Variants in KAT6B observed in about 807,000 individuals in gnomAD.
KAT6B encodes histone acetyltransferase KAT6B.
A neutral mutation model predicts 187.5 loss-of-function variants in KAT6B; 10 were observed. That is an observed-to-expected ratio of 0.05 (90% confidence interval 0.03 to 0.09). The LOEUF is 0.09. Among genes scored for constraint, KAT6B ranks in the 10% least tolerant of loss-of-function variants. The pLI is 1.00. For synonymous variants in KAT6B, 861 were observed against 926.8 expected (o/e 0.93, Z 1.29); for missense variants, 1,952 against 2,558.9 (o/e 0.76, Z 5.12).
chr10:74,952,121 G>A (rs756603617), intron 3 of KAT6B, among the ~76,000 whole-genome samples: 7 of 152,276 alleles, frequency 4.6e-5, no homozygotes, highest in Middle Eastern at 6.8e-3. Flanking sequence ...TTGGGAGGCC[G>A]AGGTGGGTGG....
At chr10:74,998,191 C>T (rs1843575939) in intron 13 of KAT6B, among the ~76,000 whole-genome samples, 1 of 97,650 alleles carries the variant, frequency 1.0e-5, no homozygotes, top group Non-Finnish European at 2.0e-5. Context: ...GGAGCTCAAG[C>T]ATTTCTCCTG....
At chr10:74,990,952 C>G (rs1843094897) in intron 13 of KAT6B, among the ~76,000 whole-genome samples, 2 of 152,130 alleles carry the variant, frequency 1.3e-5, no homozygotes, top group Admixed American at 1.3e-4. Context: ...TGGTCCTATA[C>G]CTCTATTTTT....
intron 3 of KAT6B, among the ~76,000 whole-genome samples, chr10:74,914,355 C>A (rs1322531545): frequency 2.0e-5 from 3 of 152,064 alleles, no homozygotes; most frequent in Non-Finnish European, 4.4e-5. Context: ...TATGAGAAAT[C>A]AAATTCCATC....
intron 3 of KAT6B, among the ~76,000 whole-genome samples, chr10:74,874,781 A>G (rs956428378): frequency 6.6e-6 from 1 of 151,772 alleles, no homozygotes; most frequent in Non-Finnish European, 1.5e-5. Context: ...TCTTTGTGTG[A>G]GATCTATGTT....
chr10:74,890,352 C>T lies in KAT6B; in HGVS notation c.621+46874C>T, dbSNP rs916200658. On this transcript the variant is annotated intron_variant, in intron 3 of 17. Transcript: ENST00000287239. Reference sequence around the variant, plus strand: ...TGAGCCCACCATTTACAAATGCACACAGGAGGCCGGGTGTGGTGGCTCACA... The same window carrying T: ...TGAGCCCACCATTTACAAATGCACATAGGAGGCCGGGTGTGGTGGCTCACA... Among the ~76,000 whole-genome samples the T allele has an allele frequency of 2.6e-5, 4 of 152,104 alleles. No individual in the cohort carries two copies. The East Asian group carries it at 5.8e-4, about 22-fold the overall frequency.
intron 3 of KAT6B, among the ~76,000 whole-genome samples, chr10:74,857,601 G>A (rs970670523): frequency 6.6e-6 from 1 of 152,296 alleles, no homozygotes; most frequent in Non-Finnish European, 1.5e-5. Context: ...AGACATTTTT[G>A]GGGGAGCCCA....
chr10:74,942,625 C>T (rs1849755224), intron 3 of KAT6B, among the ~76,000 whole-genome samples: 2 of 151,924 alleles, frequency 1.3e-5, no homozygotes, highest in South Asian at 4.2e-4. Context: ...ATTAGCTGGG[C>T]ATGGTGGCAC....
At chr10:74,907,766 G>T (rs1564555912) in intron 3 of KAT6B, among the ~76,000 whole-genome samples, 1 of 152,162 alleles carries the variant, frequency 6.6e-6, no homozygotes, top group Non-Finnish European at 1.5e-5. Flanking sequence ...TTGACCTCAG[G>T]TGATGCATCT....
chr10:74,828,573 T>TTC (rs1840462465), intron 1 of KAT6B, among the ~76,000 whole-genome samples: 1 of 142,860 alleles, frequency 7.0e-6, no homozygotes, highest in East Asian at 2.0e-4. Context: ...TTTTTTTTTT[T>TTC]TTTTTTTTTT....
At chr10:74,912,917 A>C (rs1847350522) in intron 3 of KAT6B, among the ~76,000 whole-genome samples, 2 of 152,204 alleles carry the variant, frequency 1.3e-5, no homozygotes, top group Admixed American at 1.3e-4. Context: ...AGCAGCTGTC[A>C]TCTTGTGAAA....
chr10:75,020,534 T>G (rs1845321223), intron 13 of KAT6B, 48 bp from the exon 14 acceptor site: 2 of 1,316,016 alleles, frequency 1.5e-6, no homozygotes, highest in Non-Finnish European at 2.2e-6. Context: ...TGTTCTAAGC[T>G]CTGGGAATGC....
At chr10:74,888,805 T>G (rs1224661357) in intron 3 of KAT6B, among the ~76,000 whole-genome samples, 2 of 152,180 alleles carry the variant, frequency 1.3e-5, no homozygotes, top group Non-Finnish European at 2.9e-5. Context: ...AGCCAGCATA[T>G]AGAATGCGAT....
chr10:74,925,108 C>T (rs1258203413), intron 3 of KAT6B, among the ~76,000 whole-genome samples: 7 of 152,094 alleles, frequency 4.6e-5, no homozygotes, highest in South Asian at 2.1e-4. Flanking sequence ...GACATGATCT[C>T]GGCTCACTGC....
chr10:74,923,216 T>C (rs530325317), intron 3 of KAT6B, among the ~76,000 whole-genome samples: 9 of 152,294 alleles, frequency 5.9e-5, no homozygotes, highest in African/African-American at 2.2e-4. Context: ...AGAAGTAGTA[T>C]AGAAAAGGAG....
At position 75,030,797 on chromosome 10, in the gene KAT6B, C is replaced by A; in HGVS notation, c.5973C>A (p.Ala1991=). 6.2e-7 allele frequency: 1 copy of A among 1,614,226 alleles called. No homozygotes were observed. The highest frequency in any genetic ancestry group is 2.2e-5 in the East Asian group (1 of 44,888). ...ACATGAACATGAACACTCTCAACGC[C>A]ATGAATGGGTACAGCATGTCCCAGC... ...SVNMNMNTLN[A]MNGYSMSQPM... is the part of the protein sequence containing the mutation. The change falls in exon 18 of 18, where the codon GCC becomes GCA. Residue 1991 remains alanine (A), a synonymous_variant. Transcript: ENST00000287239. This position sits in a 1 kb window ranked among gnomAD's most constrained non-coding sequence, Gnocchi z 4.8.
intron 3 of KAT6B, among the ~76,000 whole-genome samples, chr10:74,881,254 T>C (rs1844832283): frequency 6.6e-6 from 1 of 152,110 alleles, no homozygotes; most frequent in Non-Finnish European, 1.5e-5. Context: ...ACATGCCCTG[T>C]TGGTTTTATA....
At chr10:74,888,610 C>CT (rs1180134710) in intron 3 of KAT6B, among the ~76,000 whole-genome samples, 1 of 152,086 alleles carries the variant, frequency 6.6e-6, no homozygotes, top group Non-Finnish European at 1.5e-5. Context: ...AATGGGTGTA[C>CT]TTTCATATTC....
At chr10:74,971,931 A>G (rs1841870924) in intron 6 of KAT6B, among the ~76,000 whole-genome samples, 1 of 152,032 alleles carries the variant, frequency 6.6e-6, no homozygotes, top group Non-Finnish European at 1.5e-5. Flanking sequence ...TGACCTTTTG[A>G]TATGCTAAAC....
rs866854584 is a variant in KAT6B, at chr10:74,910,143, A to G, written c.622-49827A>G. 3.0e-3 allele frequency among the ~76,000 whole-genome samples: 420 copies of G among 139,254 alleles called. 2 individuals carry two copies. Among genetic ancestry groups the G allele is most frequent in the African/African-American group, 0.013 (406 of 30,426 alleles). The allele number at this position is 139,254 out of a possible 152,430, so 91.4% of individuals were successfully genotyped here. On this transcript the variant is annotated intron_variant, in intron 3 of 17. Coordinates refer to ENST00000287239, the MANE Select transcript of KAT6B (RefSeq NM_012330.4). The stretch of plus-strand genomic sequence containing the variant: ...CATCTCTACTAAAAAAAAAAAAAAA[A>G]AAATATTAGCCAGGCGTGGTGGCGC...
Sources: allele counts gnomAD v4.1 joint callset (sites outside exome capture counted in the v4.1 genomes callset), GRCh38; gene constraint gnomAD v4.1.1; non-coding constraint Gnocchi (gnomAD v3.1); transcripts MANE v1.5; gene names NCBI Gene and HGNC (gene_info 2026-07-23, HGNC 2026-07-21).